Variants in ZNF600 observed in about 807,000 individuals in gnomAD.
ZNF600 encodes zinc finger protein 600, also known as zinc finger protein KR-ZNF1.
In ZNF600, 4 loss-of-function variants were observed where a neutral mutation model predicts 7.3. That is an observed-to-expected ratio of 0.55 (90% confidence interval 0.27 to 1.25). ZNF600 has a LOEUF of 1.25. ZNF600 is among the 50% of genes most tolerant of loss of function. ZNF600 has a pLI of 0.12. For synonymous variants in ZNF600, 290 were observed against 308.9 expected (o/e 0.94, Z 0.64); for missense variants, 911 against 922.1 (o/e 0.99, Z 0.16).
intron 3 of ZNF600, among the ~76,000 whole-genome samples, chr19:52,768,986 A>T (rs2062610808): frequency 1.3e-5 from 2 of 152,150 alleles, no homozygotes; most frequent in South Asian, 4.1e-4. Flanking sequence ...ACACAGTGAG[A>T]AGTGACCAGA....
chr19:52,809,786 C>G, the ZNF600 span: 1 of 502,796 alleles, frequency 2.0e-6, no homozygotes. Flanking sequence ...GCCTGGGTGA[C>G]AGAGCGAAAA....
chr19:52,813,356 G>A, the ZNF600 span, among the ~76,000 whole-genome samples: 1 of 150,860 alleles, frequency 6.6e-6, no homozygotes, highest in Non-Finnish European at 1.5e-5. Context: ...CCAGGGAGTG[G>A]GGCAGGGGGC....
chr19:52,810,132 G>A, the ZNF600 span: 1,761 of 868,988 alleles, frequency 2.0e-3, 20 homozygotes, highest in African/African-American at 0.024. Context: ...GGGACTGGTC[G>A]AGGGTGACCC....
At chr19:52,779,800 G>A (rs2062705867) in intron 1 of ZNF600, among the ~76,000 whole-genome samples, 1 of 152,110 alleles carries the variant, frequency 6.6e-6, no homozygotes, top group South Asian at 2.1e-4. Flanking sequence ...TCCCAGCACT[G>A]TGGGATTACA....
upstream of ZNF600, chr19:52,786,836 G>A (rs2062768442): frequency 1.7e-5 from 5 of 288,252 alleles, 1 homozygote; most frequent in South Asian, 1.4e-4. Flanking sequence ...CGGGGTAGAG[G>A]CGGGGCCCCA....
At chr19:52,833,308 T>C in the ZNF600 span, among the ~76,000 whole-genome samples, 1 of 152,174 alleles carries the variant, frequency 6.6e-6, no homozygotes, top group South Asian at 2.1e-4. Context: ...TGTCCATCCA[T>C]GTCTAGGTGT....
At chr19:52,788,288 T>G (rs2062781823), upstream of ZNF600, among the ~76,000 whole-genome samples, 1 of 152,128 alleles carries the variant, frequency 6.6e-6, no homozygotes, top group Non-Finnish European at 1.5e-5. Flanking sequence ...TACCTGGCAT[T>G]TCAGAAAGGA....
chr19:52,803,893 G>T, the ZNF600 span, among the ~76,000 whole-genome samples: 6 of 152,064 alleles, frequency 3.9e-5, no homozygotes, highest in Non-Finnish European at 7.4e-5. Context: ...GAAGGTGAAG[G>T]TTGCAGTGAG....
In ZNF600 at chr19:52,771,236, G is replaced by A. The variant is rs1193209322; in HGVS notation, c.190+3339C>T. On this transcript the variant is annotated intron_variant, in intron 3 of 3. Transcript: ENST00000648973. ...GAAGGTGGCTGGGCTAAACCACGAA[G>A]AAGGCTCTCACCAGGAGCCAATCTA... 1.3e-5 allele frequency among the ~76,000 whole-genome samples: 2 copies of A among 152,136 alleles called. 1 individual carries two copies. Among genetic ancestry groups the A allele is most frequent in the Admixed American group, 1.3e-4 (2 of 15,230 alleles).
At chr19:52,828,218 A>G in the ZNF600 span, among the ~76,000 whole-genome samples, 8 of 151,848 alleles carry the variant, frequency 5.3e-5, no homozygotes, top group East Asian at 1.6e-3. Context: ...TGCATGGCTA[A>G]TTGTTGCATT....
chr19:52,833,093 C>T, the ZNF600 span, among the ~76,000 whole-genome samples: 1 of 152,160 alleles, frequency 6.6e-6, no homozygotes, highest in South Asian at 2.1e-4. Flanking sequence ...TACTAGTGTG[C>T]CTTCAAATGC....
At chr19:52,795,251 T>G in the ZNF600 span, among the ~76,000 whole-genome samples, 34 of 152,200 alleles carry the variant, frequency 2.2e-4, 1 homozygote, top group Non-Finnish European at 3.4e-4. Context: ...ATAGGCTACA[T>G]GAACTAAATT....
At chr19:52,790,627 T>C (rs567472464), upstream of ZNF600, among the ~76,000 whole-genome samples, 24 of 152,140 alleles carry the variant, frequency 1.6e-4, no homozygotes, top group South Asian at 4.4e-3. Flanking sequence ...AACTCTAAAT[T>C]GTGCCTTTGT....
At chr19:52,773,960 C>T (rs1026885290) in intron 3 of ZNF600, among the ~76,000 whole-genome samples, 9 of 151,784 alleles carry the variant, frequency 5.9e-5, no homozygotes, top group African/African-American at 2.2e-4. Context: ...TCAGGTGATT[C>T]ACCCACCTCA....
chr19:52,783,155 C>A (rs1413858938), intron 1 of ZNF600, among the ~76,000 whole-genome samples: 1 of 151,628 alleles, frequency 6.6e-6, no homozygotes, highest in African/African-American at 2.4e-5. Flanking sequence ...CCTCTGACGC[C>A]ATCATTATAA....
chr19:52,801,525 T>C, the ZNF600 span: 9 of 1,614,186 alleles, frequency 5.6e-6, no homozygotes, highest in Non-Finnish European at 7.6e-6. Context: ...TGCATGGTCA[T>C]TTGTTTCATC....
At chr19:52,821,133 T>TG in the ZNF600 span, among the ~76,000 whole-genome samples, 10 of 149,238 alleles carry the variant, frequency 6.7e-5, no homozygotes, top group African/African-American at 2.5e-4. Flanking sequence ...AGGAGGGAGG[T>TG]GGGGAGCGAC....
At chr19:52,769,389 T>C (rs975986167) in intron 3 of ZNF600, among the ~76,000 whole-genome samples, 3 of 152,096 alleles carry the variant, frequency 2.0e-5, no homozygotes, top group African/African-American at 7.2e-5. Context: ...GTACTAAAAG[T>C]GTCTGATATG....
chr19:52,774,833 A>G (rs1162443321), intron 2 of ZNF600, 132 bp from the exon 5 acceptor site: 1 of 980,268 alleles, frequency 1.0e-6, no homozygotes, highest in African/African-American at 1.8e-5. Flanking sequence ...TATTTTGAAT[A>G]TTTTTTCCCT....
Sources: gnomAD v4.1 joint callset for allele counts (sites outside exome capture counted in the v4.1 genomes callset) on GRCh38, gnomAD v4.1.1 for gene constraint, MANE v1.5 for transcripts, NCBI Gene and HGNC (gene_info 2026-07-23, HGNC 2026-07-21) for gene names.